Variants in UGT1A4 observed in about 807,000 individuals in gnomAD.
The protein encoded by UGT1A4 is UDP glucuronosyltransferase family 1 member A4.
In UGT1A4, 32 loss-of-function variants were observed where a neutral mutation model predicts 41.1. The ratio of observed to expected loss-of-function variants is 0.78; its 90% CI spans 0.59 to 1.05. The LOEUF (loss-of-function observed/expected upper bound fraction) is 1.05, where lower values mean the gene tolerates loss of function less well. UGT1A4 is among the 50% of genes least tolerant of loss of function. UGT1A4 has a pLI of 0.00. For synonymous variants in UGT1A4, 283 were observed against 265.1 expected, an observed-to-expected ratio of 1.07 and a Z score of -0.66; for missense variants, 748 against 677.4, an observed-to-expected ratio of 1.10 and a Z score of -1.16.
Position 233,719,370 on chromosome 2 carries a change from G to T in UGT1A4, c.550G>T (p.Gly184Cys). Reference protein sequence around the residue: ...RYIPCDLDFKGTQCPNPSSYI... With the variant: ...RYIPCDLDFKCTQCPNPSSYI... ...CATTCCATGTGACTTAGACTTTAAG[G>T]GCACACAGTGTCCAAATCCTTCCTC... The change falls in exon 1 of 5, where the codon GGC becomes TGC. Residue 184 changes from glycine (G) to cysteine (C), a missense_variant. Physicochemically the swap from Gly to Cys is radical, Grantham distance 159. Transcript: ENST00000373409. 6.2e-7 allele frequency: 1 copy of T among 1,613,830 alleles called. No individual in the cohort carries two copies.
chr2:233,769,616 G>A lies in UGT1A4; in HGVS notation c.1307+1177G>A, dbSNP rs2126047271. The stretch of plus-strand genomic sequence containing the variant: ...ACGGAACACGGGGACACACCAGCTT[G>A]AGCAAGGGACAACAGGGGAGGACTG... On this transcript the variant is annotated intron_variant, in intron 4 of 4. Transcript: ENST00000373409. This position sits in a 1 kb window ranked among gnomAD's most constrained non-coding sequence, Gnocchi z 4.4. The A allele has an allele frequency of 1.9e-6, 3 of 1,612,698 alleles. No individual in the cohort carries two copies. Among genetic ancestry groups the A allele is most frequent in the East Asian group, 4.5e-5 (2 of 44,884 alleles).
At chr2:233,732,018 C>A (rs1393703380) in intron 1 of UGT1A4, among the ~76,000 whole-genome samples, 1 of 152,210 alleles carries the variant, frequency 6.6e-6, no homozygotes, top group East Asian at 1.9e-4. Context: ...TTTTGATTTG[C>A]ATTTCTCTGA....
chr2:233,772,483 G>A lies in UGT1A4; in HGVS notation c.1529G>A (p.Cys510Tyr), dbSNP rs1700526717. The A allele has an allele frequency of 1.2e-6, 2 of 1,614,146 alleles. No individual in the cohort carries two copies. Among genetic ancestry groups the A allele is most frequent in the Non-Finnish European group, 1.7e-6 (2 of 1,180,048 alleles). Reference protein sequence around the residue: ...VLTVAFITFKCCAYGYRKCLG... With the variant: ...VLTVAFITFKYCAYGYRKCLG... ...ACAGTGGCCTTCATCACCTTTAAAT[G>A]TTGTGCTTATGGCTACCGGAAATGC... The change falls in exon 5 of 5, where the codon TGT becomes TAT. Residue 510 changes from cysteine to tyrosine, a missense_variant. Cys to Tyr is a radical substitution (Grantham distance 194, BLOSUM62 -2). Transcript: ENST00000373409.
chr2:233,757,842 T>G (rs904843638), intron 1 of UGT1A4, among the ~76,000 whole-genome samples: 1 of 151,920 alleles, frequency 6.6e-6, no homozygotes, highest in Non-Finnish European at 1.5e-5. Context: ...GCCTACTAAC[T>G]TATGTCTTCA....
At chr2:233,757,535 A>AATATATATACATATACATACATAT (rs376887521) in intron 1 of UGT1A4, among the ~76,000 whole-genome samples, 1 of 88,310 alleles carries the variant, frequency 1.1e-5, no homozygotes, top group South Asian at 5.2e-4. Flanking sequence ...GCCTGTAAGG[A>AATATATATACATATACATACATAT]ATATATATAT....
intron 1 of UGT1A4, among the ~76,000 whole-genome samples, chr2:233,725,599 G>GT (rs1258851013): frequency 4.6e-5 from 7 of 152,142 alleles, no homozygotes; most frequent in East Asian, 3.9e-4. Context: ...ATTTGACATA[G>GT]TTTTTTCTTG....
intron 1 of UGT1A4, among the ~76,000 whole-genome samples, 193 bp downstream of exon 1, chr2:233,719,880 G>C (rs28898611): frequency 0.021 from 3,198 of 152,256 alleles, 101 homozygotes; most frequent in African/African-American, 0.073. Context: ...GAAGAGGCAC[G>C]GATGAGGGTC....
chr2:233,749,830 G>A (rs1694282037), intron 1 of UGT1A4, among the ~76,000 whole-genome samples: 1 of 151,888 alleles, frequency 6.6e-6, no homozygotes, highest in African/African-American at 2.4e-5. Flanking sequence ...TCTCTTTCAT[G>A]TAAGACGTGT....
intron 1 of UGT1A4, among the ~76,000 whole-genome samples, chr2:233,731,482 G>A (rs562723642): frequency 2.0e-5 from 3 of 152,088 alleles, no homozygotes; most frequent in African/African-American, 7.2e-5. Flanking sequence ...TCCCTGGCCT[G>A]TGTCCAGTGT....
chr2:233,764,474 A>G (rs1415490690), intron 1 of UGT1A4, among the ~76,000 whole-genome samples: 1 of 152,114 alleles, frequency 6.6e-6, no homozygotes, highest in East Asian at 1.9e-4. Context: ...CTGCTATTTA[A>G]CTTCGAATGT....
chr2:233,729,880 G>A (rs746200260), intron 1 of UGT1A4: 2 of 1,613,860 alleles, frequency 1.2e-6, no homozygotes, highest in Non-Finnish European at 1.7e-6. Flanking sequence ...TCTCAGTCAT[G>A]CATCTGTGTG....
chr2:233,724,568 G>A (rs1015390355), intron 1 of UGT1A4, among the ~76,000 whole-genome samples: 3 of 128,090 alleles, frequency 2.3e-5, no homozygotes, highest in Admixed American at 7.6e-5. Context: ...ATGGGGCGGC[G>A]GGGCAGAGGC....
In UGT1A4 at chr2:233,772,527, G is replaced by T; in HGVS notation, c.1573G>T (p.Val525Phe). Reference sequence around the variant, plus strand: ...GAAATGCTTGGGGAAAAAAGGGCGAGTTAAGAAAGCCCACAAATCCAAGAC... The same window carrying T: ...GAAATGCTTGGGGAAAAAAGGGCGATTTAAGAAAGCCCACAAATCCAAGAC... ...YRKCLGKKGR[V>F]KKAHKSKTH The change falls in exon 5 of 5, where the codon GTT (valine) becomes TTT (phenylalanine). Residue 525 changes from valine (V) to phenylalanine (F), a missense_variant. Transcript: ENST00000373409. 6.2e-7 allele frequency: 1 copy of T among 1,614,164 alleles called. No homozygotes were observed. Among genetic ancestry groups the T allele is most frequent in the Non-Finnish European group, 8.5e-7 (1 of 1,180,040 alleles).
chr2:233,719,328 G>C lies in UGT1A4; in HGVS notation c.508G>C (p.Val170Leu). 2.5e-6 allele frequency: 4 copies of C among 1,613,970 alleles called. No homozygotes were observed. The highest frequency in any genetic ancestry group is 3.4e-6 in the Non-Finnish European group (4 of 1,179,880). ...VLAKYLSIPA[V>L]FFWRYIPCDL... ...GGCTAAGTACCTGTCGATTCCTGCT[G>C]TGTTTTTTTGGAGGTACATTCCATG... The change falls in exon 1 of 5, where the codon GTG (valine) becomes CTG (leucine). Residue 170 changes from valine (V) to leucine (L), a missense_variant. Transcript: ENST00000373409.
chr2:233,748,188 T>A (rs1575688597), intron 1 of UGT1A4: 1 of 1,565,216 alleles, frequency 6.4e-7, no homozygotes, highest in East Asian at 2.2e-5. Flanking sequence ...GTGCTTTTAT[T>A]TCTGCTTGTC....
intron 1 of UGT1A4, chr2:233,729,894 G>A (rs2077943725): frequency 1.9e-6 from 3 of 1,613,848 alleles, no homozygotes; most frequent in East Asian, 4.5e-5. Context: ...CTGTGTGGCT[G>A]TTCCGAGGGG....
At chr2:233,753,529 A>G (rs538276746) in intron 1 of UGT1A4, 1 of 152,278 alleles carries the variant, frequency 6.6e-6, no homozygotes, top group East Asian at 1.9e-4. Flanking sequence ...TTTTGCTCTC[A>G]TGCAAACTTT....
intron 1 of UGT1A4, among the ~76,000 whole-genome samples, chr2:233,730,705 A>T (rs2078064782): frequency 6.6e-6 from 1 of 152,130 alleles, no homozygotes; most frequent in South Asian, 2.1e-4. Flanking sequence ...TTCTACTTGG[A>T]ATGCTGAAAT....
In UGT1A4 at chr2:233,756,140, C is replaced by T. The variant is rs565288729; in HGVS notation, c.868-10894C>T. 16 of 152,332 alleles carry T rather than the reference C, an allele frequency of 1.1e-4. No homozygotes were observed. The East Asian group carries it at 1.3e-3, about 13-fold the overall frequency. 9.4% of individuals were successfully genotyped at this position (152,332 alleles called of 1,614,324 possible). On this transcript the variant is annotated intron_variant, in intron 1 of 4. Coordinates refer to ENST00000373409, the MANE Select transcript of UGT1A4 (RefSeq NM_007120.3). ...TTTGTAAAATTCTCCTGAAAAATTA[C>T]TGGGGATCCCTAGGATTTCCTGGCT...
Sources: gnomAD v4.1 joint callset for allele counts (sites outside exome capture counted in the v4.1 genomes callset) on GRCh38, gnomAD v4.1.1 for gene constraint, Gnocchi (gnomAD v3.1) non-coding constraint, MANE v1.5 for transcripts, NCBI Gene and HGNC (gene_info 2026-07-23, HGNC 2026-07-21) for gene names.